The following DOCK2 variants were observed in gnomAD, a reference collection of about 807,000 sequenced individuals.
DOCK2 encodes dedicator of cytokinesis protein 2.
In DOCK2, 87 loss-of-function variants were observed where a neutral mutation model predicts 248.9. The observed-to-expected ratio is 0.35, with a 90% CI of 0.29 to 0.42. The LOEUF is 0.42. Ranked by LOEUF, DOCK2 falls within the 10% of genes least tolerant of loss-of-function variation. DOCK2 has a pLI of 1.00. For synonymous variants in DOCK2, 805 were observed against 821.6 expected (o/e 0.98, Z 0.35); for missense variants, 1,747 against 2,300.2 (o/e 0.76, Z 4.92).
chr5:169,989,200 T>C (rs1778147832), intron 29 of DOCK2, among the ~76,000 whole-genome samples: 1 of 152,230 alleles, frequency 6.6e-6, no homozygotes, highest in African/African-American at 2.4e-5. Flanking sequence ...TATGCAGACA[T>C]AGTGACACAT....
intron 26 of DOCK2, among the ~76,000 whole-genome samples, chr5:169,840,370 C>T (rs1352102204): frequency 2.6e-5 from 4 of 152,210 alleles, no homozygotes; most frequent in Non-Finnish European, 5.9e-5. Context: ...ACCTCCAACA[C>T]TGGGGATTAT....
Position 169,781,999 on chromosome 5 carries a change from GTGGCAGGTTT to G in DOCK2, c.2554+20376_2554+20385del, listed in dbSNP as rs1765740995. 3.3e-5 allele frequency among the ~76,000 whole-genome samples: 5 copies of G among 152,308 alleles called. 1 individual carries two copies. In the Middle Eastern group the frequency reaches 0.014, roughly 414 times the overall value. ...ATTCTGGGCTCTGTCTCTGGGTGCAGTGGCAGGTTTTAAAATCAATTACAATCCAGGTAAC... is the reference window on the plus strand; with the variant it reads ...ATTCTGGGCTCTGTCTCTGGGTGCAGTAAAATCAATTACAATCCAGGTAAC... On this transcript the variant is annotated intron_variant, in intron 25 of 51. Transcript: ENST00000520908.
chr5:169,889,027 G>A (rs1773136573), intron 27 of DOCK2, among the ~76,000 whole-genome samples: 1 of 152,240 alleles, frequency 6.6e-6, no homozygotes, highest in Non-Finnish European at 1.5e-5. Flanking sequence ...TCTTCAACTA[G>A]ACTCTAAGCT....
chr5:169,820,043 C>T (rs527551961), intron 26 of DOCK2, among the ~76,000 whole-genome samples: 4 of 152,192 alleles, frequency 2.6e-5, no homozygotes, highest in African/African-American at 4.8e-5. Flanking sequence ...AGTCTGAGAT[C>T]GAACTGCAAG....
intron 27 of DOCK2, among the ~76,000 whole-genome samples, chr5:169,912,252 G>A (rs1228901093): frequency 6.6e-6 from 1 of 151,974 alleles, no homozygotes; most frequent in African/African-American, 2.4e-5. Context: ...AGAAAATGGG[G>A]TCTCACTGTG....
chr5:169,937,183 T>G (rs933962332), intron 27 of DOCK2, among the ~76,000 whole-genome samples: 6 of 152,250 alleles, frequency 3.9e-5, no homozygotes, highest in African/African-American at 1.4e-4. Flanking sequence ...AGAGCTGCTT[T>G]CAAACCACCA....
chr5:169,901,874 C>A (rs1773945145), intron 27 of DOCK2, among the ~76,000 whole-genome samples: 1 of 152,166 alleles, frequency 6.6e-6, no homozygotes, highest in African/African-American at 2.4e-5. Context: ...GAAGAAGCTA[C>A]CCCTTCCTCT....
intron 27 of DOCK2, among the ~76,000 whole-genome samples, chr5:169,970,790 A>G (rs184989981): frequency 6.6e-6 from 1 of 152,336 alleles, no homozygotes; most frequent in East Asian, 1.9e-4. Context: ...ATTAGTAGAT[A>G]TGGGGCTTTA....
At chr5:169,992,999 C>G (rs1778248566) in intron 29 of DOCK2, among the ~76,000 whole-genome samples, 1 of 152,162 alleles carries the variant, frequency 6.6e-6, no homozygotes, top group Non-Finnish European at 1.5e-5. Flanking sequence ...CAAGTTTAAG[C>G]TGACAACCAA....
chr5:169,842,489 C>T (rs1322130085), intron 27 of DOCK2, among the ~76,000 whole-genome samples: 1 of 152,156 alleles, frequency 6.6e-6, no homozygotes, highest in Non-Finnish European at 1.5e-5. Flanking sequence ...TCCCAAGTAG[C>T]TGGGACTACC....
chr5:169,670,694 G>C (rs1008245683), intron 4 of DOCK2, 97 bp downstream of exon 4: 5 of 1,395,246 alleles, frequency 3.6e-6, no homozygotes, highest in Non-Finnish European at 5.0e-6. Context: ...GCTGAGGGTT[G>C]CTCAGCTTAT....
chr5:169,778,133 C>T (rs2113792319), intron 25 of DOCK2, among the ~76,000 whole-genome samples: 1 of 152,306 alleles, frequency 6.6e-6, no homozygotes, highest in South Asian at 2.1e-4. Context: ...AACCTGGCTC[C>T]TCAGTTACTA....
At chr5:169,771,021 T>C (rs1468078082) in intron 25 of DOCK2, among the ~76,000 whole-genome samples, 1 of 152,210 alleles carries the variant, frequency 6.6e-6, no homozygotes, top group African/African-American at 2.4e-5. Flanking sequence ...TAGGAGATAG[T>C]GAACACTCTT....
At chr5:169,762,733 C>A (rs990265781) in intron 25 of DOCK2, among the ~76,000 whole-genome samples, 4 of 152,186 alleles carry the variant, frequency 2.6e-5, no homozygotes, top group African/African-American at 7.2e-5. Context: ...AAGACCCAGC[C>A]TCTCCAATTT....
intron 25 of DOCK2, among the ~76,000 whole-genome samples, chr5:169,786,678 A>G (rs1766000429): frequency 6.6e-6 from 1 of 152,190 alleles, no homozygotes; most frequent in Admixed American, 6.5e-5. Flanking sequence ...CTGGAGTCCA[A>G]GTACTTGACT....
At chr5:170,059,968 G>A (rs1439200376) in intron 44 of DOCK2, among the ~76,000 whole-genome samples, 1 of 152,184 alleles carries the variant, frequency 6.6e-6, no homozygotes, top group East Asian at 1.9e-4. Flanking sequence ...ATTTCAGGGT[G>A]TCTCAGATGC....
chr5:169,728,219 G>T (rs1161655506), intron 22 of DOCK2, among the ~76,000 whole-genome samples: 1 of 152,140 alleles, frequency 6.6e-6, no homozygotes, highest in Non-Finnish European at 1.5e-5. Flanking sequence ...AGTGTATTGG[G>T]TTTGGGACAT....
intron 27 of DOCK2, among the ~76,000 whole-genome samples, chr5:169,925,202 C>T (rs1302121194): frequency 6.6e-6 from 1 of 152,142 alleles, no homozygotes; most frequent in Non-Finnish European, 1.5e-5. Context: ...AGGACTAGTT[C>T]AGTCAGGCAG....
chr5:169,921,531 T>C (rs140540550), intron 27 of DOCK2, among the ~76,000 whole-genome samples: 29 of 152,298 alleles, frequency 1.9e-4, no homozygotes, highest in African/African-American at 7.0e-4. Context: ...ATTTGGAAAA[T>C]GTTGCCTCTT....
Sources: allele counts gnomAD v4.1 joint callset (sites outside exome capture counted in the v4.1 genomes callset), GRCh38; gene constraint gnomAD v4.1.1; transcripts MANE v1.5; gene names NCBI Gene and HGNC (gene_info 2026-07-23, HGNC 2026-07-21).